Variants in NKAIN3 observed in about 807,000 individuals in gnomAD.
NKAIN3 encodes the protein sodium/potassium-transporting ATPase subunit beta-1-interacting protein 3.
Under a neutral mutation model 30.2 loss-of-function variants are expected in NKAIN3, and 25 were observed. The ratio of observed to expected loss-of-function variants is 0.83; its 90% CI spans 0.60 to 1.16. NKAIN3 has a LOEUF of 1.16. Ranked by LOEUF, NKAIN3 falls within the 50% of genes most tolerant of loss-of-function variation. NKAIN3 has a pLI of 0.00. For synonymous variants in NKAIN3, 91 were observed against 89.6 expected, an observed-to-expected ratio of 1.02 and a Z score of -0.09; for missense variants, 225 against 254.1, an observed-to-expected ratio of 0.89 and a Z score of 0.78.
chr8:62,326,506 T>C (rs1815137421), intron 1 of NKAIN3, among the ~76,000 whole-genome samples: 1 of 151,862 alleles, frequency 6.6e-6, no homozygotes, highest in Admixed American at 6.6e-5. Flanking sequence ...GAGATGAGGA[T>C]CCAGTTTCAT....
At chr8:62,848,178 T>C (rs749082373) in intron 4 of NKAIN3, among the ~76,000 whole-genome samples, 2 of 152,200 alleles carry the variant, frequency 1.3e-5, no homozygotes, top group African/African-American at 2.4e-5. Context: ...TCTGGTTTTA[T>C]GAATTTTAAA....
intron 3 of NKAIN3, among the ~76,000 whole-genome samples, chr8:62,685,311 G>A (rs1231424580): frequency 6.6e-6 from 1 of 151,962 alleles, no homozygotes; most frequent in Non-Finnish European, 1.5e-5. Context: ...TATGTCACTT[G>A]GTTTAGAAAA....
In NKAIN3 at chr8:62,966,641, A is replaced by G. The variant is rs1823720951; in HGVS notation, c.*1234A>G. On this transcript the variant is annotated 3_prime_UTR_variant, in exon 7 of 7. Transcript: ENST00000623646. ...GTGCTAATTTTCATCATCACTGATA[A>G]TTTGGTCTGTTCTCAATATAAAATA... 6.6e-6 allele frequency among the ~76,000 whole-genome samples: 1 copy of G among 152,190 alleles called. No individual in the cohort carries two copies. Among genetic ancestry groups the G allele is most frequent in the South Asian group, 2.1e-4 (1 of 4,824 alleles).
chr8:62,939,677 A>G lies in NKAIN3; in HGVS notation c.533-14225A>G, dbSNP rs73264613. Among the ~76,000 whole-genome samples, 217 of 152,298 alleles carry G rather than the reference A, an allele frequency of 1.4e-3. 1 individual carries two copies. Among genetic ancestry groups the G allele is most frequent in the African/African-American group, 4.9e-3 (204 of 41,562 alleles). On this transcript the variant is annotated intron_variant, in intron 5 of 6. Coordinates refer to ENST00000623646, the MANE Select transcript of NKAIN3 (RefSeq NM_001304533.3). ...CCAAGCTTCATAAATGAAAAAAAAG[A>G]TATAGTCTTTTCAGACAAAAAAATG... is the stretch of plus-strand genomic sequence containing the variant.
chr8:62,983,435 C>G lies in NKAIN3; in HGVS notation c.*18028C>G, dbSNP rs927770892. The G allele has an allele frequency of 6.6e-6, 1 of 152,158 alleles. No homozygotes were observed. The allele number at this position is 152,158 out of a possible 1,614,324, so 9.4% of individuals were successfully genotyped here. A position where few individuals can be genotyped will look rare whatever the true frequency, so the allele number is the denominator to read the frequency against. On this transcript the variant is annotated 3_prime_UTR_variant, in exon 7 of 7. Coordinates refer to ENST00000623646, the MANE Select transcript of NKAIN3 (RefSeq NM_001304533.3). ...TGAAGGAGAGCCCATTTGCAACCCT[C>G]TTCTGTCTCCCTAAGCATTCAACAA...
intron 4 of NKAIN3, among the ~76,000 whole-genome samples, chr8:62,883,081 T>G (rs11995740): frequency 0.3 from 46,220 of 152,090 alleles, 7,735 homozygotes; most frequent in East Asian, 0.64. Flanking sequence ...GATTTGGTTG[T>G]TTGGCATCCA....
intron 1 of NKAIN3, among the ~76,000 whole-genome samples, chr8:62,459,231 TTTGA>T (rs949938733): frequency 1.3e-5 from 2 of 152,158 alleles, no homozygotes; most frequent in African/African-American, 4.8e-5. Context: ...GCTTGGCAAC[TTTGA>T]TTGACTGTGG....
intron 3 of NKAIN3, among the ~76,000 whole-genome samples, chr8:62,719,072 A>G (rs1001260340): frequency 6.6e-6 from 1 of 152,162 alleles, no homozygotes; most frequent in Non-Finnish European, 1.5e-5. Context: ...AAGGAGACAT[A>G]TTGTTGTGCC....
intron 5 of NKAIN3, among the ~76,000 whole-genome samples, chr8:62,922,867 G>A (rs781772810): frequency 3.3e-5 from 5 of 152,006 alleles, no homozygotes; most frequent in Non-Finnish European, 5.9e-5. Context: ...AATTTGCTGA[G>A]ATGGCTCTGC....
chr8:62,484,705 G>T (rs1426690479), intron 1 of NKAIN3, among the ~76,000 whole-genome samples: 2 of 152,120 alleles, frequency 1.3e-5, no homozygotes, highest in Non-Finnish European at 2.9e-5. Context: ...TTTTCATTCT[G>T]CATGGGATTT....
At chr8:62,781,094 C>T (rs1173136872) in intron 4 of NKAIN3, among the ~76,000 whole-genome samples, 1 of 151,714 alleles carries the variant, frequency 6.6e-6, no homozygotes, top group East Asian at 1.9e-4. Context: ...TTGCAGGATA[C>T]AAAATTAACA....
intron 5 of NKAIN3, among the ~76,000 whole-genome samples, chr8:62,952,805 A>G (rs1300067230): frequency 6.6e-6 from 1 of 152,196 alleles, no homozygotes; most frequent in Non-Finnish European, 1.5e-5. Context: ...ATGTTGCACA[A>G]GAATTGATTT....
intron 1 of NKAIN3, among the ~76,000 whole-genome samples, chr8:62,500,473 G>GA (rs1471304001): frequency 1.2e-4 from 15 of 120,606 alleles, no homozygotes; most frequent in African/African-American, 4.6e-4. Flanking sequence ...AAGAAAGAAA[G>GA]AAAGAAAGAA....
chr8:62,859,771 C>T (rs1820186690), intron 4 of NKAIN3, among the ~76,000 whole-genome samples: 1 of 152,104 alleles, frequency 6.6e-6, no homozygotes, highest in Non-Finnish European at 1.5e-5. Flanking sequence ...TCTCACTCTG[C>T]TAGATTCTCA....
Position 62,384,195 on chromosome 8 carries a change from G to T in NKAIN3, c.54+135068G>T, listed in dbSNP as rs559008728. On this transcript the variant is annotated intron_variant, in intron 1 of 6. Coordinates refer to ENST00000623646, the MANE Select transcript of NKAIN3 (RefSeq NM_001304533.3). ...TGAACTTCTCATGTGAAGATGATTAGCATCACATGGCATTTTAAGCAGATA... is the reference window on the plus strand; with the variant it reads ...TGAACTTCTCATGTGAAGATGATTATCATCACATGGCATTTTAAGCAGATA... Among the ~76,000 whole-genome samples the T allele has an allele frequency of 3.3e-5, 5 of 152,254 alleles. No homozygotes were observed. The East Asian group carries it at 9.6e-4, about 29-fold the overall frequency.
In NKAIN3 at chr8:62,969,318, C is replaced by T. The variant is rs1823781247; in HGVS notation, c.*3911C>T. Among the ~76,000 whole-genome samples, 1 of 152,174 alleles carries T rather than the reference C, an allele frequency of 6.6e-6. No individual in the cohort carries two copies. The highest frequency in any genetic ancestry group is 2.1e-4 in the South Asian group (1 of 4,830). ...AAACTCCTGATTGAGAAGAATTTGT[C>T]TTCATTAAAACTAGCTAAAATGTAC... On this transcript the variant is annotated 3_prime_UTR_variant, in exon 7 of 7. Transcript: ENST00000623646.
At chr8:62,494,889 A>G (rs1807186160) in intron 1 of NKAIN3, among the ~76,000 whole-genome samples, 1 of 151,640 alleles carries the variant, frequency 6.6e-6, no homozygotes, top group Non-Finnish European at 1.5e-5. Flanking sequence ...ATTTATTTGG[A>G]TCTTCTCTCT....
chr8:62,849,065 A>C (rs569410758), intron 4 of NKAIN3, among the ~76,000 whole-genome samples: 1 of 152,204 alleles, frequency 6.6e-6, no homozygotes, highest in African/African-American at 2.4e-5. Context: ...TCAGTTTGCC[A>C]GTGTTTTGTT....
At chr8:62,633,500 C>T (rs890024306) in intron 3 of NKAIN3, among the ~76,000 whole-genome samples, 6 of 152,146 alleles carry the variant, frequency 3.9e-5, no homozygotes, top group African/African-American at 1.4e-4. Context: ...CAGGCCCCTG[C>T]ATATGTTATT....
Sources: allele counts gnomAD v4.1 joint callset (sites outside exome capture counted in the v4.1 genomes callset), GRCh38; gene constraint gnomAD v4.1.1; transcripts MANE v1.5; gene names NCBI Gene and HGNC (gene_info 2026-07-23, HGNC 2026-07-21).